PFDN1: variants seen among roughly 807,000 people sequenced by gnomAD.
PFDN1 encodes the protein prefoldin subunit 1, also known as prefoldin 1.
PFDN1 carries 6 observed loss-of-function variants against 17.3 expected under a neutral mutation model. The observed-to-expected ratio is 0.35, with a 90% confidence interval of 0.19 to 0.69. The LOEUF (loss-of-function observed/expected upper bound fraction) is 0.69, where lower values mean the gene tolerates loss of function less well. PFDN1 is among the 30% of genes least tolerant of loss of function. PFDN1 has a pLI of 0.65. For synonymous variants in PFDN1, 58 were observed against 50.1 expected (o/e 1.16, Z -0.67); for missense variants, 113 against 146.2 (o/e 0.77, Z 1.17).
At chr5:140,295,759 A>G (rs541319600) in intron 2 of PFDN1, among the ~76,000 whole-genome samples, 1 of 152,260 alleles carries the variant, frequency 6.6e-6, no homozygotes, top group Admixed American at 6.5e-5. Context: ...ATAGCCATGT[A>G]TAAGAGGTAT....
At chr5:140,291,006 C>G (rs62385163) in intron 2 of PFDN1, among the ~76,000 whole-genome samples, 49,940 of 151,986 alleles carry the variant, frequency 0.33, 8,566 homozygotes, top group South Asian at 0.46. Flanking sequence ...TGAAAGGCCT[C>G]ATTGCCTCTT....
intron 3 of PFDN1, among the ~76,000 whole-genome samples, chr5:140,273,155 G>C (rs1456060156): frequency 6.7e-6 from 1 of 150,174 alleles, no homozygotes; most frequent in East Asian, 2.0e-4. Flanking sequence ...TGAGGCAGAA[G>C]AATCGCTTGA....
At position 140,252,240 on chromosome 5, in the gene PFDN1, T is replaced by C. The variant is rs1190359301; in HGVS notation, c.286-6183A>G. 5.9e-5 allele frequency among the ~76,000 whole-genome samples: 9 copies of C among 152,202 alleles called. No individual in the cohort carries two copies. The South Asian group carries it at 1.7e-3, about 28-fold the overall frequency. On this transcript the variant is annotated intron_variant, in intron 3 of 3. Coordinates refer to ENST00000261813, the MANE Select transcript of PFDN1 (RefSeq NM_002622.5). ...AGCTCAGAGGAGAGGGGAGACATACTATGGATGTATACGGATATGTACTTT... is the reference window on the plus strand; with the variant it reads ...AGCTCAGAGGAGAGGGGAGACATACCATGGATGTATACGGATATGTACTTT...
intron 3 of PFDN1, among the ~76,000 whole-genome samples, chr5:140,251,695 T>G (rs1764916373): frequency 6.6e-6 from 1 of 152,150 alleles, no homozygotes; most frequent in South Asian, 2.1e-4. Flanking sequence ...TTGTGGGCCC[T>G]TGCCGTGATG....
Position 140,297,973 on chromosome 5 carries a change from C to CATGT in PFDN1, c.200+2442_200+2443insACAT, listed in dbSNP as rs1765678219. On this transcript the variant is annotated intron_variant, in intron 2 of 3. Coordinates refer to ENST00000261813, the MANE Select transcript of PFDN1 (RefSeq NM_002622.5). ...AAAGCTGGCATTACTGTTTTAAGAC[C>CATGT]TAAGGATATTCACATTAAGGATAAA... 6.6e-5 allele frequency among the ~76,000 whole-genome samples: 10 copies of CATGT among 152,224 alleles called. No homozygotes were observed. In the South Asian group the frequency reaches 2.1e-3, roughly 32 times the overall value.
Position 140,264,327 on chromosome 5 carries a change from A to C in PFDN1, c.285+17122T>G, listed in dbSNP as rs1382897125. On this transcript the variant is annotated intron_variant, in intron 3 of 3. Coordinates refer to ENST00000261813, the MANE Select transcript of PFDN1 (RefSeq NM_002622.5). ...GACAAACATCCAAACCATACCAAAC[A>C]CTAAGTATGTCATTTATCCAAGATG... Among the ~76,000 whole-genome samples the C allele has an allele frequency of 2.6e-5, 4 of 152,110 alleles. No individual in the cohort carries two copies. In the South Asian group the frequency reaches 8.3e-4, roughly 32 times the overall value.
At chr5:140,272,516 C>A (rs763200993) in intron 3 of PFDN1, among the ~76,000 whole-genome samples, 1 of 151,296 alleles carries the variant, frequency 6.6e-6, no homozygotes, top group Non-Finnish European at 1.5e-5. Flanking sequence ...CCCACCACCA[C>A]GCCCGGCTAA....
chr5:140,253,122 C>A (rs183064787), intron 3 of PFDN1, among the ~76,000 whole-genome samples: 1 of 152,234 alleles, frequency 6.6e-6, no homozygotes. Context: ...GAAGGAGTTA[C>A]TGTCCCTGCA....
At chr5:140,257,196 C>G (rs1248194031) in intron 3 of PFDN1, among the ~76,000 whole-genome samples, 1 of 150,248 alleles carries the variant, frequency 6.7e-6, no homozygotes, top group East Asian at 2.0e-4. Context: ...GCACTCCAGC[C>G]TGGGCAACAA....
chr5:140,300,396 T>C lies in PFDN1; in HGVS notation c.200+20A>G. Reference sequence around the variant, plus strand: ...AAAAGCACTCCCAAAATAACTCCATTAAGGACACATTTTACTTACATTCTT... The same window carrying C: ...AAAAGCACTCCCAAAATAACTCCATCAAGGACACATTTTACTTACATTCTT... On this transcript the variant is annotated intron_variant, in intron 2 of 3. Coordinates refer to ENST00000261813, the MANE Select transcript of PFDN1 (RefSeq NM_002622.5). The C allele has an allele frequency of 6.4e-7, 1 of 1,553,234 alleles. No homozygotes were observed. The highest frequency in any genetic ancestry group is 8.8e-7 in the Non-Finnish European group (1 of 1,131,968).
intron 2 of PFDN1, among the ~76,000 whole-genome samples, chr5:140,299,361 G>A (rs1458735996): frequency 3.9e-5 from 6 of 152,034 alleles, no homozygotes; most frequent in Admixed American, 3.9e-4. Context: ...TCCCAGCACT[G>A]TGGGAGGCCA....
intron 3 of PFDN1, among the ~76,000 whole-genome samples, chr5:140,279,255 A>G (rs1266503942): frequency 2.0e-5 from 3 of 152,224 alleles, no homozygotes; most frequent in African/African-American, 7.2e-5. Flanking sequence ...TTCATTGTTT[A>G]ATCATTTGTT....
chr5:140,264,794 A>T (rs1158903670), intron 3 of PFDN1, among the ~76,000 whole-genome samples: 2 of 152,138 alleles, frequency 1.3e-5, no homozygotes, highest in Non-Finnish European at 2.9e-5. Context: ...GCACTGAGCT[A>T]TGATCACGCC....
chr5:140,276,499 G>A (rs1475249926), intron 3 of PFDN1, among the ~76,000 whole-genome samples: 1 of 152,092 alleles, frequency 6.6e-6, no homozygotes, highest in Non-Finnish European at 1.5e-5. Context: ...TGAGAGTATT[G>A]GCCAAGTGTG....
In PFDN1 at chr5:140,246,060, G is replaced by A. The variant is rs780653255; in HGVS notation, c.286-3C>T. 2 of 1,540,012 alleles carry A rather than the reference G, an allele frequency of 1.3e-6. No homozygotes were observed. Among genetic ancestry groups the A allele is most frequent in the African/African-American group, 1.4e-5 (1 of 73,146 alleles). ...CGCTCCAGGTAGGACTTTTTCTGCT[G>A]CAATATGAGAGACAGACAAAGGTTA... On this transcript the variant is annotated splice_polypyrimidine_tract_variant and splice_region_variant and intron_variant, in intron 3 of 3. Coordinates refer to ENST00000261813, the MANE Select transcript of PFDN1 (RefSeq NM_002622.5).
At chr5:140,299,379 C>A (rs143995408) in intron 2 of PFDN1, among the ~76,000 whole-genome samples, 11 of 152,142 alleles carry the variant, frequency 7.2e-5, no homozygotes, top group African/African-American at 2.4e-4. Flanking sequence ...CCAAGGCGGG[C>A]GGATCAAGAG....
At chr5:140,248,060 T>C (rs1764857061) in intron 3 of PFDN1, among the ~76,000 whole-genome samples, 1 of 151,044 alleles carries the variant, frequency 6.6e-6, no homozygotes, top group Admixed American at 6.6e-5. Context: ...AAACTTCCTT[T>C]GATAAACAAC....
At chr5:140,265,700 C>T (rs1051019238) in intron 3 of PFDN1, 16 of 152,192 alleles carry the variant, frequency 1.1e-4, no homozygotes, top group African/African-American at 3.9e-4. Flanking sequence ...TTCCTATAAA[C>T]CTGCAGCAGG....
chr5:140,280,574 G>C (rs1273193446), intron 3 of PFDN1, among the ~76,000 whole-genome samples: 1 of 152,172 alleles, frequency 6.6e-6, no homozygotes, highest in East Asian at 1.9e-4. Flanking sequence ...GGCCAATTCA[G>C]TGCCCCTAAG....
Sources: gnomAD v4.1 joint callset for allele counts (sites outside exome capture counted in the v4.1 genomes callset) on GRCh38, gnomAD v4.1.1 for gene constraint, MANE v1.5 for transcripts, NCBI Gene and HGNC (gene_info 2026-07-23, HGNC 2026-07-21) for gene names.